The following BBX variants were observed in gnomAD, a reference collection of about 807,000 sequenced individuals.
BBX encodes the protein BBX high mobility group box domain containing.
A neutral mutation model predicts 100.2 loss-of-function variants in BBX; 30 were observed. That is an observed-to-expected ratio of 0.30 (90% confidence interval 0.22 to 0.41). BBX has a LOEUF of 0.41. BBX is among the 10% of genes least tolerant of loss of function. The pLI is 1.00. For missense variants in BBX, 1,023 were observed against 1,129.8 expected (o/e 0.91, Z 1.35); for synonymous variants, 376 against 388.1 (o/e 0.97, Z 0.37).
chr3:107,593,345 A>G (rs2053465258), intron 2 of BBX, among the ~76,000 whole-genome samples: 1 of 152,124 alleles, frequency 6.6e-6, no homozygotes, highest in African/African-American at 2.4e-5. Context: ...CTTCCTTTTT[A>G]TTTTCCCAAC....
Position 107,590,519 on chromosome 3 carries a change from G to A in BBX, c.-83-55317G>A, listed in dbSNP as rs1407906970. On this transcript the variant is annotated intron_variant, in intron 2 of 17. Coordinates refer to ENST00000325805, the MANE Select transcript of BBX (RefSeq NM_001142568.3). The stretch of plus-strand genomic sequence containing the variant: ...TTTTGTACCCGTTAATCAACCTGCC[G>A]ATCCTTCTCAGTCTCTGGTATCTAC... 2.6e-5 allele frequency among the ~76,000 whole-genome samples: 4 copies of A among 152,080 alleles called. No individual in the cohort carries two copies. In the East Asian group the frequency reaches 7.7e-4, roughly 29 times the overall value.
At chr3:107,575,364 C>G (rs755921366) in intron 2 of BBX, among the ~76,000 whole-genome samples, 1 of 151,962 alleles carries the variant, frequency 6.6e-6, no homozygotes, top group African/African-American at 2.4e-5. Flanking sequence ...TATTTTGTTG[C>G]CAGTGTTTAT....
intron 3 of BBX, among the ~76,000 whole-genome samples, chr3:107,686,982 A>G (rs182499694): frequency 2.0e-3 from 303 of 152,284 alleles, no homozygotes; most frequent in Non-Finnish European, 3.3e-3. Flanking sequence ...AAGGGCCTCT[A>G]TGGCTTTGCT....
rs192003799 is a variant in BBX at position 107,643,532 on chromosome 3, G to T, written c.-83-2304G>T. 2.1e-3 allele frequency among the ~76,000 whole-genome samples: 326 copies of T among 152,172 alleles called. 1 individual carries two copies. The highest frequency in any genetic ancestry group is 4.7e-3 in the African/African-American group (196 of 41,508). ...CCAAGGCTCTGTGGGGGTGATTGGG[G>T]GTTGAAAGTAAGCCAAAGTGGGACC... On this transcript the variant is annotated intron_variant, in intron 2 of 17. Coordinates refer to ENST00000325805, the MANE Select transcript of BBX (RefSeq NM_001142568.3).
intron 2 of BBX, among the ~76,000 whole-genome samples, chr3:107,537,104 G>C (rs1364748000): frequency 6.6e-6 from 1 of 152,064 alleles, no homozygotes; most frequent in East Asian, 1.9e-4. Context: ...TTAAATAGTA[G>C]TTCATCCTTT....
rs1014501348 is a variant in BBX at position 107,576,851 on chromosome 3, A to ATATTTATT, written c.-84+50471_-84+50478dup. On this transcript the variant is annotated intron_variant, in intron 2 of 17. Transcript: ENST00000325805. ...TTTATAAGCATTAAATTGCAAGAAG[A>ATATTTATT]TATTTATTTATTTATTTATTTATTT... 3.3e-5 allele frequency among the ~76,000 whole-genome samples: 5 copies of ATATTTATT among 151,710 alleles called. No individual in the cohort carries two copies. The East Asian group carries it at 5.8e-4, about 18-fold the overall frequency.
chr3:107,681,280 G>A (rs781479213), intron 3 of BBX, among the ~76,000 whole-genome samples: 4 of 152,070 alleles, frequency 2.6e-5, no homozygotes, highest in Non-Finnish European at 4.4e-5. Flanking sequence ...GTATGTTCCT[G>A]GAAATAGATG....
At chr3:107,634,287 T>G (rs2056728240) in intron 2 of BBX, among the ~76,000 whole-genome samples, 1 of 152,230 alleles carries the variant, frequency 6.6e-6, no homozygotes, top group Non-Finnish European at 1.5e-5. Flanking sequence ...ATGCTAGAAC[T>G]TCAAAAGAGA....
intron 2 of BBX, among the ~76,000 whole-genome samples, chr3:107,636,444 G>T (rs1169674678): frequency 6.6e-6 from 1 of 152,120 alleles, no homozygotes. Flanking sequence ...TGATTATTCT[G>T]CTATTTAAAT....
intron 2 of BBX, among the ~76,000 whole-genome samples, chr3:107,616,005 C>CTTTTTTTTTTTTTTT (rs59614452): frequency 2.6e-4 from 5 of 19,248 alleles, no homozygotes; most frequent in Admixed American, 6.7e-4. Flanking sequence ...TACTCACCTG[C>CTTTTTTTTTTTTTTT]TTTTTTTTTT....
At chr3:107,636,322 G>A (rs1011108025) in intron 2 of BBX, among the ~76,000 whole-genome samples, 6 of 152,114 alleles carry the variant, frequency 3.9e-5, no homozygotes, top group African/African-American at 7.2e-5. Flanking sequence ...AAATCTAAGC[G>A]CCTTTACCAA....
chr3:107,739,408 T>C (rs1444818212), intron 7 of BBX, among the ~76,000 whole-genome samples: 1 of 152,162 alleles, frequency 6.6e-6, no homozygotes, highest in Non-Finnish European at 1.5e-5. Context: ...CTTGGGTGGC[T>C]CCCCCTTTAT....
At chr3:107,530,440 A>G (rs2048080033) in intron 2 of BBX, among the ~76,000 whole-genome samples, 1 of 152,160 alleles carries the variant, frequency 6.6e-6, no homozygotes, top group Admixed American at 6.5e-5. Context: ...CAAAGTAACA[A>G]TGAGAATGAA....
At chr3:107,657,362 C>T (rs1003727501) in intron 3 of BBX, among the ~76,000 whole-genome samples, 1 of 152,144 alleles carries the variant, frequency 6.6e-6, no homozygotes, top group African/African-American at 2.4e-5. Context: ...CCTTCAATGA[C>T]AATTTTCTAA....
intron 2 of BBX, among the ~76,000 whole-genome samples, chr3:107,537,537 T>A (rs1383309088): frequency 6.6e-6 from 1 of 152,208 alleles, no homozygotes; most frequent in Non-Finnish European, 1.5e-5. Flanking sequence ...GATTACAAAT[T>A]ATGCTCAAAG....
At chr3:107,675,710 C>A (rs974205600) in intron 3 of BBX, among the ~76,000 whole-genome samples, 1 of 152,126 alleles carries the variant, frequency 6.6e-6, no homozygotes, top group African/African-American at 2.4e-5. Flanking sequence ...TATGATATAG[C>A]GGAAAGAGTT....
At chr3:107,727,191 T>G (rs1285714056) in intron 5 of BBX, among the ~76,000 whole-genome samples, 1 of 152,172 alleles carries the variant, frequency 6.6e-6, no homozygotes, top group African/African-American at 2.4e-5. Context: ...GTGACCTTTG[T>G]TCAAGTGACT....
intron 3 of BBX, among the ~76,000 whole-genome samples, chr3:107,683,975 G>C (rs1466589404): frequency 8.6e-5 from 13 of 152,024 alleles, no homozygotes; most frequent in African/African-American, 4.8e-5. Context: ...TCTTCCTTAG[G>C]CTTCAGTTAA....
At chr3:107,796,309 G>A (rs938420408) in intron 15 of BBX, among the ~76,000 whole-genome samples, 3 of 152,008 alleles carry the variant, frequency 2.0e-5, no homozygotes, top group South Asian at 2.1e-4. Flanking sequence ...TCTTCTTTCC[G>A]CAGTCAGTTC....
Sources: gnomAD v4.1 joint callset for allele counts (sites outside exome capture counted in the v4.1 genomes callset) on GRCh38, gnomAD v4.1.1 for gene constraint, MANE v1.5 for transcripts, NCBI Gene and HGNC (gene_info 2026-07-23, HGNC 2026-07-21) for gene names.